FLT1: variants seen among roughly 807,000 people sequenced by gnomAD.
FLT1 encodes fms related receptor tyrosine kinase 1.
In FLT1, 49 loss-of-function variants were observed where a neutral mutation model predicts 156.3. That is an observed-to-expected ratio of 0.31 (90% confidence interval 0.25 to 0.40). FLT1 has a LOEUF of 0.40. Ranked by LOEUF, FLT1 falls within the 10% of genes least tolerant of loss-of-function variation. The pLI, the probability that FLT1 is intolerant of heterozygous loss-of-function variation, is 1.00. For missense variants in FLT1, 1,322 were observed against 1,637.2 expected, an observed-to-expected ratio of 0.81 and a Z score of 3.32; for synonymous variants, 594 against 583.8, an observed-to-expected ratio of 1.02 and a Z score of -0.25.
rs539518963 is a variant in FLT1, at chr13:28,311,647, A to T, written c.3578T>A (p.Phe1193Tyr). Residue 1193 changes from phenylalanine (F) to tyrosine (Y), a missense_variant, in exon 27 of 30, where the codon TTC (phenylalanine) becomes TAC (tyrosine). By Grantham distance (22) the Phe-to-Tyr change is conservative (BLOSUM62 3). Around this residue, in one of 3 missense-constraint regions of FLT1, gnomAD observed 329 missense variants for 366.2 expected, o/e 0.90. Coordinates refer to ENST00000282397, the MANE Select transcript of FLT1 (RefSeq NM_002019.4). Reference sequence around the variant, plus strand: ...CGGAGCTGAAATACTTTCCTTGAAGAAGTCCTCAGAGAAGGCAGGAGTTGA... The same window carrying T: ...CGGAGCTGAAATACTTTCCTTGAAGTAGTCCTCAGAGAAGGCAGGAGTTGA... Reference protein sequence around the residue: ...TYSTPAFSEDFFKESISAPKF... With the variant: ...TYSTPAFSEDYFKESISAPKF... 6.2e-7 allele frequency: 1 copy of T among 1,613,818 alleles called. No homozygotes were observed. Among genetic ancestry groups the T allele is most frequent in the Non-Finnish European group, 8.5e-7 (1 of 1,179,726 alleles).
intron 1 of FLT1, among the ~76,000 whole-genome samples, chr13:28,492,496 T>C (rs761374195): frequency 2.0e-4 from 30 of 152,318 alleles, no homozygotes; most frequent in Non-Finnish European, 4.0e-4. Flanking sequence ...AATAAGCGCT[T>C]TAGAGGGGAA....
At chr13:28,488,321 AC>A (rs1318327321) in intron 1 of FLT1, among the ~76,000 whole-genome samples, 1 of 152,084 alleles carries the variant, frequency 6.6e-6, no homozygotes, top group Non-Finnish European at 1.5e-5. Context: ...AATCATTTGA[AC>A]CTGGGAGGTG....
intron 1 of FLT1, among the ~76,000 whole-genome samples, chr13:28,485,288 A>C (rs1216370638): frequency 1.3e-5 from 2 of 152,096 alleles, no homozygotes; most frequent in African/African-American, 2.4e-5. Context: ...TAAGAGCCCC[A>C]AGAAGCTGCA....
chr13:28,359,164 C>T (rs554381519), intron 14 of FLT1, among the ~76,000 whole-genome samples: 1 of 152,138 alleles, frequency 6.6e-6, no homozygotes, highest in South Asian at 2.1e-4. Flanking sequence ...ATAATCAAAA[C>T]AGCATGGTAC....
intron 14 of FLT1, among the ~76,000 whole-genome samples, chr13:28,378,376 G>A (rs1873936186): frequency 6.6e-6 from 1 of 152,128 alleles, no homozygotes; most frequent in South Asian, 2.1e-4. Context: ...CTGAGAATGA[G>A]CAGATATTCA....
intron 10 of FLT1, among the ~76,000 whole-genome samples, chr13:28,420,679 G>A (rs1482782681): frequency 1.3e-5 from 2 of 152,094 alleles, no homozygotes; most frequent in African/African-American, 4.8e-5. Context: ...ACATAAAACT[G>A]TTACAGCATA....
intron 3 of FLT1, among the ~76,000 whole-genome samples, chr13:28,457,251 G>A (rs930003167): frequency 7.9e-5 from 12 of 152,090 alleles, no homozygotes; most frequent in Non-Finnish European, 1.2e-4. Context: ...CAGGGTTGTT[G>A]TAAGGATAAA....
At chr13:28,431,675 G>A (rs1006628165) in intron 6 of FLT1, among the ~76,000 whole-genome samples, 1 of 152,162 alleles carries the variant, frequency 6.6e-6, no homozygotes, top group Non-Finnish European at 1.5e-5. Context: ...AGTTGTTTGA[G>A]CATAAATCTA....
At chr13:28,360,882 C>A (rs1408923688) in intron 14 of FLT1, among the ~76,000 whole-genome samples, 2 of 152,176 alleles carry the variant, frequency 1.3e-5, no homozygotes, top group Non-Finnish European at 2.9e-5. Flanking sequence ...GATGGGTATG[C>A]TAATCAGGCT....
intron 15 of FLT1, among the ~76,000 whole-genome samples, chr13:28,353,589 A>AAG (rs1872801741): frequency 6.6e-6 from 1 of 151,420 alleles, no homozygotes. Flanking sequence ...AAAAAAAAAA[A>AAG]GAATGTTTTT....
intron 15 of FLT1, chr13:28,345,945 G>T: frequency 1.3e-5 from 2 of 150,324 alleles, no homozygotes; most frequent in Non-Finnish European, 2.9e-5. Context: ...TCCCTAATGA[G>T]TTTTAGAGGA....
intron 3 of FLT1, among the ~76,000 whole-genome samples, chr13:28,440,656 C>T (rs1365943312): frequency 1.3e-5 from 2 of 152,074 alleles, no homozygotes; most frequent in Admixed American, 6.5e-5. Context: ...GTTCAGAGTA[C>T]GCCTCAAAGC....
chr13:28,322,704 G>A lies in FLT1; in HGVS notation c.2953+86C>T. 1 of 1,233,450 alleles carries A rather than the reference G, an allele frequency of 8.1e-7. No individual in the cohort carries two copies. The highest frequency in any genetic ancestry group is 1.2e-6 in the Non-Finnish European group (1 of 839,440). The allele number at this position is 1,233,450 out of a possible 1,614,324, so 76.4% of individuals were successfully genotyped here. On this transcript the variant is annotated intron_variant, in intron 21 of 29. Transcript: ENST00000282397. The surrounding 1 kb of genome is among the most constrained non-coding windows in gnomAD (Gnocchi z 4.3). ...GAGTCTCCCACGGATGTTTATTAGA[G>A]TGATAAATAAGAAAAAAATTTCAGA...
intron 1 of FLT1, among the ~76,000 whole-genome samples, chr13:28,485,599 C>A (rs544044925): frequency 6.6e-6 from 1 of 152,228 alleles, no homozygotes; most frequent in East Asian, 1.9e-4. Flanking sequence ...GAAAAGCAAA[C>A]ATGAAGTGTT....
intron 29 of FLT1, 141 bp from the exon 30 acceptor site, chr13:28,303,509 T>G (rs1269352825): frequency 5.5e-6 from 4 of 721,948 alleles, no homozygotes; most frequent in East Asian, 2.8e-5. Flanking sequence ...CCCCCTCAAT[T>G]GCTGTCAGAT....
At position 28,318,405 on chromosome 13, in the gene FLT1, C is replaced by T. The variant is rs554669207; in HGVS notation, c.3287-808G>A. 2.2e-4 allele frequency among the ~76,000 whole-genome samples: 34 copies of T among 152,074 alleles called. No homozygotes were observed. The East Asian group carries it at 5.6e-3, about 25-fold the overall frequency. On this transcript the variant is annotated intron_variant, in intron 24 of 29. Coordinates refer to ENST00000282397, the MANE Select transcript of FLT1 (RefSeq NM_002019.4). ...CTGCCAGCTTTACTGCCCAGGATTC[C>T]CCTGCAACCTTTCCTTTTGGGGGGA...
chr13:28,412,350 C>CTTTTCTTTCTTTT lies in FLT1; in HGVS notation c.1437-6457_1437-6456insAAAAGAAAGAAAA, dbSNP rs71086853. Among the ~76,000 whole-genome samples, 40 of 93,802 alleles carry CTTTTCTTTCTTTT rather than the reference C, an allele frequency of 4.3e-4. 5 individuals are homozygous for CTTTTCTTTCTTTT. The South Asian group carries it at 8.9e-3, about 21-fold the overall frequency. 61.5% of individuals were successfully genotyped at this position (93,802 alleles called of 152,430 possible). A position where few individuals can be genotyped will look rare whatever the true frequency, so the allele number is the denominator to read the frequency against. On this transcript the variant is annotated intron_variant, in intron 10 of 29. Transcript: ENST00000282397. ...CTTTCTTTTCTTTCTTTCTTTCTTT[C>CTTTTCTTTCTTTT]TCTTTCTTTCTTTCTTTCTTTCTTT...
intron 1 of FLT1, among the ~76,000 whole-genome samples, chr13:28,474,911 A>G (rs1880460999): frequency 6.6e-6 from 1 of 152,238 alleles, no homozygotes; most frequent in African/African-American, 2.4e-5. Flanking sequence ...TGATGACTAA[A>G]GTAATCACAG....
intron 16 of FLT1, among the ~76,000 whole-genome samples, chr13:28,339,766 G>A (rs1274303993): frequency 6.6e-6 from 1 of 152,146 alleles, no homozygotes; most frequent in Non-Finnish European, 1.5e-5. Context: ...AAAGCAAGAA[G>A]TGGCAAAGTA....
Sources: gnomAD v4.1 joint callset for allele counts (sites outside exome capture counted in the v4.1 genomes callset) on GRCh38, gnomAD v4.1.1 for gene constraint, gnomAD v4.1.1 regional missense constraint, Gnocchi (gnomAD v3.1) non-coding constraint, MANE v1.5 for transcripts, NCBI Gene and HGNC (gene_info 2026-07-23, HGNC 2026-07-21) for gene names.